GRAMD2B: variants seen among roughly 807,000 people sequenced by gnomAD.
GRAMD2B encodes GRAM domain containing 2B.
Under a neutral mutation model 59.2 loss-of-function variants are expected in GRAMD2B, and 41 were observed. The ratio of observed to expected loss-of-function variants is 0.69; its 90% confidence interval spans 0.54 to 0.90. GRAMD2B has a LOEUF of 0.90. GRAMD2B is among the 40% of genes least tolerant of loss of function. The pLI is 0.00. For missense variants in GRAMD2B, 424 were observed against 500.5 expected (o/e 0.85, Z 1.46); for synonymous variants, 161 against 182.7 (o/e 0.88, Z 0.96).
Position 126,364,772 on chromosome 5 carries a change from T to A in GRAMD2B, c.128+4313T>A, listed in dbSNP as rs527677679. On this transcript the variant is annotated intron_variant, in intron 1 of 13. Coordinates refer to the GRAMD2B transcript ENST00000513040. Reference sequence around the variant, plus strand: ...ACCTCTCCCTCTATATCCTCTATCATCTAGTTTCTAGACTAATCTCAAAAA... The same window carrying A: ...ACCTCTCCCTCTATATCCTCTATCAACTAGTTTCTAGACTAATCTCAAAAA... 3.0e-4 allele frequency among the ~76,000 whole-genome samples: 45 copies of A among 152,376 alleles called. No homozygotes were observed. In the South Asian group the frequency reaches 6.0e-3, roughly 20 times the overall value.
intron 1 of GRAMD2B, among the ~76,000 whole-genome samples, chr5:126,425,846 C>A (rs1341199543): frequency 6.6e-6 from 1 of 151,884 alleles, no homozygotes; most frequent in Non-Finnish European, 1.5e-5. Flanking sequence ...GGTTTCCAGG[C>A]GCTGGAAGGT....
chr5:126,388,819 G>C (rs752974279), intron 1 of GRAMD2B, among the ~76,000 whole-genome samples: 1 of 151,906 alleles, frequency 6.6e-6, no homozygotes, highest in Non-Finnish European at 1.5e-5. Flanking sequence ...CATTTGGGGG[G>C]TTTTGAAGAA....
In GRAMD2B at chr5:126,494,314, G is replaced by T. The variant is rs1581326368; in HGVS notation, c.*1358G>T. ...AACTAAAAAAGGATTTAAGTTCTTG[G>T]GTTACAACGGTTTAAAGGAAAGAAA... is the stretch of plus-strand genomic sequence containing the variant. On this transcript the variant is annotated 3_prime_UTR_variant, in exon 14 of 14. Coordinates refer to ENST00000285689, the MANE Select transcript of GRAMD2B (RefSeq NM_023927.4). 1.3e-5 allele frequency: 2 copies of T among 150,880 alleles called. No homozygotes were observed. The highest frequency in any genetic ancestry group is 1.9e-4 in the East Asian group (1 of 5,146). The allele number at this position is 150,880 out of a possible 1,614,324, so 9.3% of individuals were successfully genotyped here. A position where few individuals can be genotyped will look rare whatever the true frequency, so the allele number is the denominator to read the frequency against.
At chr5:126,383,745 G>A (rs1463747758) in intron 1 of GRAMD2B, among the ~76,000 whole-genome samples, 1 of 152,150 alleles carries the variant, frequency 6.6e-6, no homozygotes, top group Admixed American at 6.5e-5. Context: ...ACCCAGCTTG[G>A]CTTCAAATTA....
chr5:126,428,323 A>G (rs1760959599), intron 1 of GRAMD2B, among the ~76,000 whole-genome samples: 1 of 152,194 alleles, frequency 6.6e-6, no homozygotes, highest in African/African-American at 2.4e-5. Flanking sequence ...GGCCTTCAAT[A>G]TATGAAAACT....
chr5:126,448,361 G>A (rs1764731080), intron 1 of GRAMD2B, among the ~76,000 whole-genome samples: 1 of 152,022 alleles, frequency 6.6e-6, no homozygotes. Context: ...GAGAAGGCAT[G>A]GCAGCCCAGG....
rs890258125 is a variant in GRAMD2B at position 126,488,801 on chromosome 5, A to C, written c.1166A>C (p.Gln389Pro). 1.2e-5 allele frequency: 20 copies of C among 1,611,434 alleles called. No individual in the cohort carries two copies. The highest frequency in any genetic ancestry group is 1.7e-5 in the Non-Finnish European group (20 of 1,177,974). Residue 389 changes from glutamine (Q) to proline (P), a missense_variant and splice_region_variant, in exon 13 of 14, where the codon CAG becomes CCG. By Grantham distance (76) the Gln-to-Pro change is moderately conservative. Coordinates refer to ENST00000285689, the MANE Select transcript of GRAMD2B (RefSeq NM_023927.4). ...AATTTTTCTCTTTTTTCTTACAGAC[A>C]GGCAGCACCATCTGGCCTGAGGTCA... is the stretch of plus-strand genomic sequence containing the variant. ...TSIVDTHNTE[Q>P]AAPSGLRSQV... is the part of the protein sequence containing the mutation.
intron 1 of GRAMD2B, among the ~76,000 whole-genome samples, chr5:126,382,006 G>T (rs1461848682): frequency 6.6e-6 from 1 of 152,036 alleles, no homozygotes; most frequent in Non-Finnish European, 1.5e-5. Context: ...TGTTTAAGGA[G>T]GCTAAAGATA....
chr5:126,419,859 A>G (rs1018607314), upstream of GRAMD2B, among the ~76,000 whole-genome samples: 4 of 152,110 alleles, frequency 2.6e-5, no homozygotes, highest in African/African-American at 9.7e-5. Flanking sequence ...GTTCGAGACC[A>G]GCCTGGCCAA....
chr5:126,406,110 G>C (rs540879611), intron 1 of GRAMD2B, among the ~76,000 whole-genome samples: 1 of 151,798 alleles, frequency 6.6e-6, no homozygotes, highest in Non-Finnish European at 1.5e-5. Context: ...GATCATATTC[G>C]TGTCTAAAAG....
intron 1 of GRAMD2B, among the ~76,000 whole-genome samples, chr5:126,459,871 T>G (rs12516622): frequency 0.26 from 39,526 of 152,200 alleles, 6,353 homozygotes; most frequent in South Asian, 0.37. Context: ...CGAGGGCAAT[T>G]TGGCAATAGC....
intron 1 of GRAMD2B, among the ~76,000 whole-genome samples, chr5:126,364,624 A>C (rs1368040423): frequency 2.6e-5 from 4 of 152,224 alleles, no homozygotes; most frequent in Admixed American, 6.5e-5. Context: ...GGAGTGGAAC[A>C]TGAATCAGGA....
chr5:126,409,932 T>C (rs1416873899), intron 1 of GRAMD2B, among the ~76,000 whole-genome samples: 1 of 20,820 alleles, frequency 4.8e-5, no homozygotes, highest in African/African-American at 1.9e-4. Context: ...CCAGCACCAT[T>C]TATTAAATAG....
At chr5:126,481,804 A>G (rs1482054555) in intron 8 of GRAMD2B, among the ~76,000 whole-genome samples, 1 of 151,952 alleles carries the variant, frequency 6.6e-6, no homozygotes, top group Non-Finnish European at 1.5e-5. Flanking sequence ...TGTCTCTGCT[A>G]AAAAATACAA....
intron 1 of GRAMD2B, among the ~76,000 whole-genome samples, chr5:126,440,252 C>T (rs542577306): frequency 6.6e-6 from 1 of 152,252 alleles, no homozygotes; most frequent in South Asian, 2.1e-4. Context: ...TGGAGTTTAC[C>T]TTCCTCAAAA....
chr5:126,389,646 T>C (rs1380205175), intron 1 of GRAMD2B, among the ~76,000 whole-genome samples: 1 of 152,190 alleles, frequency 6.6e-6, no homozygotes, highest in African/African-American at 2.4e-5. Flanking sequence ...TCAAAAGATG[T>C]TTTAATATTT....
At chr5:126,454,569 A>C (rs564417940) in intron 1 of GRAMD2B, among the ~76,000 whole-genome samples, 1 of 152,344 alleles carries the variant, frequency 6.6e-6, no homozygotes, top group Admixed American at 6.5e-5. Context: ...GCTTTCAAAG[A>C]GACATAATAT....
upstream of GRAMD2B, among the ~76,000 whole-genome samples, chr5:126,420,460 G>A (rs899764748): frequency 2.6e-5 from 4 of 152,222 alleles, no homozygotes; most frequent in East Asian, 7.7e-4. Flanking sequence ...TCCACTCTAG[G>A]AAAAGACTGA....
chr5:126,398,298 C>T (rs1757544241), intron 1 of GRAMD2B, among the ~76,000 whole-genome samples: 1 of 152,024 alleles, frequency 6.6e-6, no homozygotes, highest in Non-Finnish European at 1.5e-5. Flanking sequence ...AATACTGATT[C>T]AATCTCCTTA....
Sources: gnomAD v4.1 joint callset for allele counts (sites outside exome capture counted in the v4.1 genomes callset) on GRCh38, gnomAD v4.1.1 for gene constraint, MANE v1.5 for transcripts, NCBI Gene and HGNC (gene_info 2026-07-23, HGNC 2026-07-21) for gene names.